Variants in EMCN observed in about 807,000 individuals in gnomAD.
EMCN encodes endomucin.
EMCN carries 37 observed loss-of-function variants against 38.4 expected under a neutral mutation model. That is an observed-to-expected ratio of 0.96 (90% CI 0.74 to 1.27). The LOEUF (loss-of-function observed/expected upper bound fraction) is 1.27. EMCN is among the 50% of genes most tolerant of loss of function. The probability of loss-of-function intolerance (pLI) is 0.00; values close to 1 mark genes in which losing one functional copy is unlikely to be tolerated. For missense variants in EMCN, 318 were observed against 302.8 expected (o/e 1.05, Z -0.37); for synonymous variants, 95 against 100.8 (o/e 0.94, Z 0.35).
chr4:100,421,438 G>T, intron 7 of EMCN, 61 bp from the exon 8 acceptor site: 1 of 1,322,854 alleles, frequency 7.6e-7, no homozygotes, highest in Non-Finnish European at 1.1e-6. Context: ...GCGATAGTTT[G>T]GTAAGTGAGC....
At chr4:100,504,095 G>A (rs1443818086) in intron 1 of EMCN, among the ~76,000 whole-genome samples, 2 of 152,182 alleles carry the variant, frequency 1.3e-5, no homozygotes, top group East Asian at 1.9e-4. Context: ...GAGAGAGAGA[G>A]AATTATTTGA....
At chr4:100,400,353 A>ATTTTTTTTTTTTTTTTTTTTTTTTTTTTT (rs3214622) in intron 11 of EMCN, among the ~76,000 whole-genome samples, 1 of 146,748 alleles carries the variant, frequency 6.8e-6, no homozygotes. Flanking sequence ...CCTAGGCCAC[A>ATTTTTTTTTTTTTTTTTTTTTTTTTTTTT]TTTTTTTTTT....
intron 3 of EMCN, 79 bp downstream of exon 3, chr4:100,474,959 G>T (rs1728594196): frequency 1.6e-6 from 1 of 642,898 alleles, no homozygotes; most frequent in Non-Finnish European, 2.4e-6. Context: ...CTTCTGAATT[G>T]TACACTTTAA....
At chr4:100,497,475 C>CA (rs1729239119) in intron 1 of EMCN, among the ~76,000 whole-genome samples, 1 of 152,066 alleles carries the variant, frequency 6.6e-6, no homozygotes, top group Non-Finnish European at 1.5e-5. Context: ...CTCCCAGGTT[C>CA]ATGCCATTCT....
At chr4:100,455,575 G>C (rs986336433) in intron 4 of EMCN, among the ~76,000 whole-genome samples, 5 of 145,622 alleles carry the variant, frequency 3.4e-5, no homozygotes, top group Non-Finnish European at 7.5e-5. Flanking sequence ...CATTGTTCCT[G>C]ATGAGTCTCT....
At chr4:100,502,164 G>A (rs189997419) in intron 1 of EMCN, among the ~76,000 whole-genome samples, 1 of 152,138 alleles carries the variant, frequency 6.6e-6, no homozygotes, top group Non-Finnish European at 1.5e-5. Flanking sequence ...GGTTGGACTA[G>A]ATGTAACATT....
chr4:100,484,945 G>C (rs1239658710), intron 1 of EMCN, among the ~76,000 whole-genome samples: 1 of 151,834 alleles, frequency 6.6e-6, no homozygotes. Flanking sequence ...TATACTACTT[G>C]GGTATATGGA....
chr4:100,450,630 C>A (rs955375603), intron 4 of EMCN, among the ~76,000 whole-genome samples: 2 of 152,054 alleles, frequency 1.3e-5, no homozygotes, highest in Non-Finnish European at 2.9e-5. Flanking sequence ...AGTCATTAGA[C>A]ATGAGAATAC....
intron 2 of EMCN, among the ~76,000 whole-genome samples, chr4:100,475,336 T>C: frequency 1.7e-5 from 1 of 57,490 alleles, no homozygotes; most frequent in Admixed American, 2.0e-4. Flanking sequence ...CACACACACA[T>C]TTTTCATAAT....
At chr4:100,463,422 A>G (rs1728235573) in intron 4 of EMCN, among the ~76,000 whole-genome samples, 1 of 152,064 alleles carries the variant, frequency 6.6e-6, no homozygotes, top group Non-Finnish European at 1.5e-5. Context: ...TCTAGTTCAA[A>G]CTACTCAGAA....
At chr4:100,400,402 T>C (rs1726225909) in intron 11 of EMCN, among the ~76,000 whole-genome samples, 1 of 151,920 alleles carries the variant, frequency 6.6e-6, no homozygotes, top group Admixed American at 6.6e-5. Context: ...AAGTTTTAGC[T>C]CAAATACCAT....
intron 3 of EMCN, among the ~76,000 whole-genome samples, chr4:100,473,322 C>T (rs1197616541): frequency 7.2e-6 from 1 of 139,858 alleles, no homozygotes; most frequent in Non-Finnish European, 1.5e-5. Flanking sequence ...CCACTGCACC[C>T]GTCCATGTTA....
In EMCN at chr4:100,439,424, G is replaced by A. The variant is rs75439472; in HGVS notation, c.415+8109C>T. Among the ~76,000 whole-genome samples the A allele has an allele frequency of 3.6e-3, 548 of 151,408 alleles. 9 individuals are homozygous for A. The highest frequency in any genetic ancestry group is 0.035 in the East Asian group (179 of 5,178). Reference sequence around the variant, plus strand: ...ATTTATCTGTTTAGATTATCCAGTCGTTGGCATATATTTTTTCGTAGTAGT... The same window carrying A: ...ATTTATCTGTTTAGATTATCCAGTCATTGGCATATATTTTTTCGTAGTAGT... On this transcript the variant is annotated intron_variant, in intron 5 of 11. Coordinates refer to ENST00000296420, the MANE Select transcript of EMCN (RefSeq NM_016242.4).
chr4:100,483,695 G>T (rs937431961), intron 1 of EMCN, among the ~76,000 whole-genome samples: 6 of 152,116 alleles, frequency 3.9e-5, no homozygotes, highest in African/African-American at 1.4e-4. Context: ...GTCTTACCAT[G>T]TGGTGGAAAA....
intron 11 of EMCN, among the ~76,000 whole-genome samples, chr4:100,403,196 C>T (rs1726304965): frequency 6.6e-6 from 1 of 152,010 alleles, no homozygotes; most frequent in Non-Finnish European, 1.5e-5. Context: ...GGCATAATAC[C>T]AAATAGGTAG....
At chr4:100,485,271 C>G (rs1243678086) in intron 1 of EMCN, among the ~76,000 whole-genome samples, 1 of 152,014 alleles carries the variant, frequency 6.6e-6, no homozygotes, top group Non-Finnish European at 1.5e-5. Flanking sequence ...TGTATTTATT[C>G]CCAGCAACTC....
chr4:100,486,234 T>C (rs749465788), intron 1 of EMCN, among the ~76,000 whole-genome samples: 12 of 152,152 alleles, frequency 7.9e-5, no homozygotes, highest in Non-Finnish European at 1.5e-4. Context: ...GGAAAATTTT[T>C]CAAGAAAAGC....
chr4:100,476,265 C>T (rs1315104910), intron 2 of EMCN, among the ~76,000 whole-genome samples: 1 of 140,260 alleles, frequency 7.1e-6, no homozygotes. Context: ...TTTTTTCCTT[C>T]CTTCTTTCCT....
At chr4:100,424,304 G>A (rs1016142025) in intron 5 of EMCN, among the ~76,000 whole-genome samples, 2 of 152,050 alleles carry the variant, frequency 1.3e-5, no homozygotes, top group Admixed American at 1.3e-4. Flanking sequence ...AATCATGCCT[G>A]TTTGCCTTGC....
Sources: allele counts gnomAD v4.1 joint callset (sites outside exome capture counted in the v4.1 genomes callset), GRCh38; gene constraint gnomAD v4.1.1; transcripts MANE v1.5; gene names NCBI Gene and HGNC (gene_info 2026-07-23, HGNC 2026-07-21).